Variants in HS3ST4 observed in about 807,000 individuals in gnomAD.
HS3ST4 encodes heparan sulfate-glucosamine 3-sulfotransferase 4.
HS3ST4 carries 17 observed loss-of-function variants against 29.2 expected under a neutral mutation model. The observed-to-expected ratio is 0.58, with a 90% CI of 0.40 to 0.87. The LOEUF (loss-of-function observed/expected upper bound fraction) is 0.87. Among genes scored for constraint, HS3ST4 ranks in the 40% least tolerant of loss-of-function variants. HS3ST4 has a pLI of 0.00. For missense variants in HS3ST4, 627 were observed against 634.5 expected, an observed-to-expected ratio of 0.99 and a Z score of 0.13; for synonymous variants, 314 against 285.7, an observed-to-expected ratio of 1.10 and a Z score of -1.00.
At chr16:25,960,543 G>A (rs1968784920) in intron 1 of HS3ST4, among the ~76,000 whole-genome samples, 1 of 152,172 alleles carries the variant, frequency 6.6e-6, no homozygotes, top group Non-Finnish European at 1.5e-5. Flanking sequence ...AAGATGATTA[G>A]TTTGAGACCC....
chr16:25,852,016 A>G (rs1036698941), intron 1 of HS3ST4, among the ~76,000 whole-genome samples: 2 of 152,156 alleles, frequency 1.3e-5, no homozygotes, highest in African/African-American at 4.8e-5. Flanking sequence ...ATCTGATTTT[A>G]TAGATGAGAA....
chr16:25,820,042 AAAAAAAAGAAAAAG>A (rs1967133766), intron 1 of HS3ST4, among the ~76,000 whole-genome samples: 1 of 149,080 alleles, frequency 6.7e-6, no homozygotes, highest in Non-Finnish European at 1.5e-5. Flanking sequence ...AAAAAAAAAA[AAAAAAAAGAAAAAG>A]AAAAAAAGAG....
chr16:26,092,280 C>T (rs183873429), intron 1 of HS3ST4, among the ~76,000 whole-genome samples: 1 of 152,322 alleles, frequency 6.6e-6, no homozygotes, highest in Non-Finnish European at 1.5e-5. Context: ...CTCCACAGGA[C>T]AATCCTAGCT....
At chr16:25,788,167 C>T (rs555694695) in intron 1 of HS3ST4, among the ~76,000 whole-genome samples, 2 of 152,258 alleles carry the variant, frequency 1.3e-5, no homozygotes, top group African/African-American at 4.8e-5. Flanking sequence ...AATACCAACA[C>T]TTCGGGAGGC....
chr16:26,102,822 CCA>C (rs1182293186), intron 1 of HS3ST4, among the ~76,000 whole-genome samples: 1 of 152,142 alleles, frequency 6.6e-6, no homozygotes, highest in African/African-American at 2.4e-5. Flanking sequence ...TTTTTTACTT[CCA>C]GTTTTTCAAA....
chr16:26,047,376 T>C (rs1223099553), intron 1 of HS3ST4, among the ~76,000 whole-genome samples: 1 of 152,236 alleles, frequency 6.6e-6, no homozygotes, highest in African/African-American at 2.4e-5. Flanking sequence ...ATTTTTTTGT[T>C]CCCAAGACTG....
chr16:25,813,330 T>C (rs1268414873), intron 1 of HS3ST4, among the ~76,000 whole-genome samples: 1 of 152,092 alleles, frequency 6.6e-6, no homozygotes, highest in Non-Finnish European at 1.5e-5. Flanking sequence ...GGGCGGAACA[T>C]TAACATTGCT....
intron 1 of HS3ST4, among the ~76,000 whole-genome samples, chr16:25,902,455 C>T (rs1273337305): frequency 3.3e-5 from 5 of 152,004 alleles, no homozygotes; most frequent in African/African-American, 9.7e-5. Flanking sequence ...GACTGCACTC[C>T]AGCCTGGGCA....
At chr16:25,775,162 C>T (rs1005500474) in intron 1 of HS3ST4, among the ~76,000 whole-genome samples, 12 of 152,128 alleles carry the variant, frequency 7.9e-5, no homozygotes, top group Non-Finnish European at 1.6e-4. Context: ...AAGACCTTGG[C>T]GACGCTGTCT....
At chr16:26,037,284 C>T (rs1381348048) in intron 1 of HS3ST4, among the ~76,000 whole-genome samples, 1 of 152,232 alleles carries the variant, frequency 6.6e-6, no homozygotes, top group East Asian at 1.9e-4. Flanking sequence ...CCTGAACCCT[C>T]CCTCTGGACC....
intron 1 of HS3ST4, among the ~76,000 whole-genome samples, chr16:26,080,401 G>A (rs1898711445): frequency 6.6e-6 from 1 of 152,128 alleles, no homozygotes; most frequent in African/African-American, 2.4e-5. Flanking sequence ...AGATCAGATA[G>A]CTAAAAGTTT....
chr16:25,896,308 G>T (rs115023163), intron 1 of HS3ST4, among the ~76,000 whole-genome samples: 3,172 of 152,112 alleles, frequency 0.021, 126 homozygotes, highest in African/African-American at 0.073. Context: ...TAACCTTTAG[G>T]CTTCCTCAAA....
At chr16:25,969,419 G>T (rs148891440) in intron 1 of HS3ST4, among the ~76,000 whole-genome samples, 2 of 152,214 alleles carry the variant, frequency 1.3e-5, no homozygotes, top group Non-Finnish European at 2.9e-5. Context: ...CAGCGCTGCT[G>T]GTGGCGGTCC....
chr16:26,112,272 G>A (rs1235378631), intron 1 of HS3ST4, among the ~76,000 whole-genome samples: 1 of 148,864 alleles, frequency 6.7e-6, no homozygotes, highest in Non-Finnish European at 1.5e-5. Context: ...GTGTGTGTGT[G>A]TGTGGTGTCT....
rs1202908803 is a variant in HS3ST4 at position 25,972,800 on chromosome 16, A to T, written c.735-162812A>T. On this transcript the variant is annotated intron_variant, in intron 1 of 1. Coordinates refer to ENST00000331351, the MANE Select transcript of HS3ST4 (RefSeq NM_006040.3). ...GGGAGGGGGATCCTTAGGAGCCATC[A>T]GTGCTGCCAGCCACAGTGGCTGTGA... Among the ~76,000 whole-genome samples the T allele has an allele frequency of 2.0e-5, 3 of 152,224 alleles. No individual in the cohort carries two copies. The East Asian group carries it at 5.8e-4, about 29-fold the overall frequency.
rs937693073 is a variant in HS3ST4 at position 26,061,352 on chromosome 16, G to A, written c.735-74260G>A. On this transcript the variant is annotated intron_variant, in intron 1 of 1. Coordinates refer to ENST00000331351, the MANE Select transcript of HS3ST4 (RefSeq NM_006040.3). ...CAGCATGTACTTGTTGCTGAACGGC[G>A]TGGTCCTGGCTTACAATGCAGTGTT... Among the ~76,000 whole-genome samples the A allele has an allele frequency of 1.2e-4, 19 of 152,280 alleles. 1 individual carries two copies. Among genetic ancestry groups the A allele is most frequent in the African/African-American group, 7.2e-5 (3 of 41,550 alleles).
intron 1 of HS3ST4, among the ~76,000 whole-genome samples, chr16:25,707,578 C>T (rs371426375): frequency 6.6e-6 from 1 of 152,188 alleles, no homozygotes; most frequent in African/African-American, 2.4e-5. Context: ...GAGAAGGACT[C>T]AATCACTGTT....
At chr16:25,739,806 T>G in intron 1 of HS3ST4, among the ~76,000 whole-genome samples, 1 of 152,318 alleles carries the variant, frequency 6.6e-6, no homozygotes, top group East Asian at 1.9e-4. Context: ...CAAGTTTGGG[T>G]TTTCAGATCT....
At chr16:25,999,043 T>G (rs907407795) in intron 1 of HS3ST4, among the ~76,000 whole-genome samples, 2 of 152,188 alleles carry the variant, frequency 1.3e-5, no homozygotes, top group Non-Finnish European at 2.9e-5. Flanking sequence ...ATAATGTATT[T>G]AGACTGTAAA....
Sources: gnomAD v4.1 joint callset for allele counts (sites outside exome capture counted in the v4.1 genomes callset) on GRCh38, gnomAD v4.1.1 for gene constraint, MANE v1.5 for transcripts, NCBI Gene and HGNC (gene_info 2026-07-23, HGNC 2026-07-21) for gene names.